The following DST variants were observed in gnomAD, a reference collection of about 807,000 sequenced individuals.
DST encodes dystonin, also known as bullous pemphigoid antigen.
Under a neutral mutation model 875.2 loss-of-function variants are expected in DST, and 253 were observed. That is an observed-to-expected ratio of 0.29 (90% CI 0.26 to 0.32). The LOEUF is 0.32. DST is among the 10% of genes least tolerant of loss of function. The pLI, the probability that DST is intolerant of heterozygous loss-of-function variation, is 1.00. For missense variants in DST, 8,287 were observed against 9,111.6 expected, an observed-to-expected ratio of 0.91 and a Z score of 3.68; for synonymous variants, 3,124 against 3,197.1, an observed-to-expected ratio of 0.98 and a Z score of 0.77.
intron 9 of DST, among the ~76,000 whole-genome samples, chr6:56,687,869 A>G (rs1372555442): frequency 6.6e-6 from 1 of 152,200 alleles, no homozygotes; most frequent in Non-Finnish European, 1.5e-5. Context: ...TTTAACTGGT[A>G]CAAACTGCCT....
chr6:56,562,282 C>T lies in DST; in HGVS notation c.14006-82G>A, dbSNP rs2097547568. 6.6e-6 allele frequency: 5 copies of T among 755,660 alleles called. No homozygotes were observed. The South Asian group carries it at 1.3e-4, about 19-fold the overall frequency. The allele number at this position is 755,660 out of a possible 1,614,324, so 46.8% of individuals were successfully genotyped here. ...CAGTAGATGGCATTAAATCAAACCC[C>T]ATCAACAGTAATCACACATAAAACA... is the stretch of plus-strand genomic sequence containing the variant. On this transcript the variant is annotated intron_variant, in intron 55 of 103. Transcript: ENST00000680361.
In DST at chr6:56,634,539, A is replaced by G; in HGVS notation, c.3417T>C (p.Thr1139=). Residue 1139 remains threonine (T), a synonymous_variant, in exon 26 of 104, where the codon ACT becomes ACC. Transcript: ENST00000680361. The part of the protein sequence containing the change: ...HRAKWKVISP[T]GNEAMVPSVC... The stretch of plus-strand genomic sequence containing the variant: ...CAGATGGGACCATAGCCTCATTCCC[A>G]GTAGGACTAATGACCTTCCATTTAG... 2 of 1,614,216 alleles carry G rather than the reference A, an allele frequency of 1.2e-6. No individual in the cohort carries two copies. The highest frequency in any genetic ancestry group is 8.5e-7 in the Non-Finnish European group (1 of 1,180,038).
chr6:56,836,009 T>G (rs903613094), intron 4 of DST, among the ~76,000 whole-genome samples: 11 of 152,210 alleles, frequency 7.2e-5, no homozygotes, highest in Non-Finnish European at 2.9e-5. Flanking sequence ...TGTTAAAATT[T>G]TATTGTCTTT....
rs1303733136 is a variant in DST at position 56,701,971 on chromosome 6, A to C, written c.877-6T>G. ...ATCCGACCTTTTTCTCTGGGCTAAG[A>C]ACAGAAAAATGCAGGTATGAAAAAG... On this transcript the variant is annotated splice_region_variant and splice_polypyrimidine_tract_variant and intron_variant, in intron 7 of 103. Coordinates refer to ENST00000680361, the MANE Select transcript of DST (RefSeq NM_001374736.1). 3.1e-6 allele frequency: 5 copies of C among 1,594,854 alleles called. No individual in the cohort carries two copies. Among genetic ancestry groups the C allele is most frequent in the Middle Eastern group, 1.7e-4 (1 of 6,052 alleles).
chr6:56,536,204 T>G (rs1200966328), intron 62 of DST, among the ~76,000 whole-genome samples: 1 of 152,234 alleles, frequency 6.6e-6, no homozygotes, highest in African/African-American at 2.4e-5. Flanking sequence ...TTATTTCTAG[T>G]GTTTTCTCTC....
chr6:56,667,267 G>A (rs1356274811), intron 10 of DST, among the ~76,000 whole-genome samples: 3 of 152,126 alleles, frequency 2.0e-5, no homozygotes, highest in Non-Finnish European at 2.9e-5. Context: ...TTTGCTCATG[G>A]TGATATTTTG....
chr6:56,692,611 C>A (rs375798355), intron 9 of DST: 1 of 1,289,686 alleles, frequency 7.8e-7, no homozygotes, highest in Non-Finnish European at 1.0e-6. Context: ...GGCTGCCTTT[C>A]GGAAAGAAAA....
At chr6:56,550,363 T>C (rs2097301877) in intron 61 of DST, among the ~76,000 whole-genome samples, 1 of 152,224 alleles carries the variant, frequency 6.6e-6, no homozygotes, top group African/African-American at 2.4e-5. Flanking sequence ...AAACACAGCA[T>C]GCTAAATGGT....
intron 35 of DST, 145 bp from the exon 36 acceptor site, chr6:56,624,773 T>C: frequency 1.5e-6 from 1 of 669,992 alleles, no homozygotes; most frequent in Non-Finnish European, 2.7e-6. Flanking sequence ...AGAATGAGCT[T>C]ATTATTACTA....
intron 13 of DST, among the ~76,000 whole-genome samples, 159 bp from the exon 14 acceptor site, chr6:56,646,341 G>C (rs1200644605): frequency 6.6e-6 from 1 of 152,146 alleles, no homozygotes; most frequent in Non-Finnish European, 1.5e-5. Flanking sequence ...TTTCCAGCCA[G>C]CTGGTGACGT....
intron 78 of DST, among the ~76,000 whole-genome samples, chr6:56,502,260 C>T (rs1377501917): frequency 6.6e-6 from 1 of 152,128 alleles, no homozygotes; most frequent in Non-Finnish European, 1.5e-5. Context: ...ATCATCTTGG[C>T]TTTGCCAACC....
At position 56,529,903 on chromosome 6, in the gene DST, A is replaced by C. The variant is rs147613884; in HGVS notation, c.17268+71T>G. The C allele has an allele frequency of 2.5e-4, 392 of 1,572,574 alleles. 1 individual carries two copies. The East Asian group carries it at 8.3e-3, about 33-fold the overall frequency. On this transcript the variant is annotated intron_variant, in intron 65 of 103. Transcript: ENST00000680361. ...TTGCAATTAAACAAAACAATAGTAC[A>C]TAACTCAAATTTATGTCACAAAACC...
chr6:56,772,995 G>A (rs754256133), intron 4 of DST, among the ~76,000 whole-genome samples: 14 of 152,086 alleles, frequency 9.2e-5, no homozygotes, highest in Non-Finnish European at 1.9e-4. Context: ...GTCATGTGGT[G>A]AGCATGCTGT....
At chr6:56,827,891 A>G (rs1364305810) in intron 4 of DST, among the ~76,000 whole-genome samples, 1 of 152,202 alleles carries the variant, frequency 6.6e-6, no homozygotes, top group Non-Finnish European at 1.5e-5. Context: ...AGCAGGAGAT[A>G]CATTCCCTTT....
At chr6:56,601,268 T>C (rs1309833463) in intron 44 of DST, among the ~76,000 whole-genome samples, 175 bp downstream of exon 44, 2 of 152,060 alleles carry the variant, frequency 1.3e-5, no homozygotes, top group South Asian at 2.1e-4. Flanking sequence ...AACTAAATTA[T>C]AGCATCATTA....
intron 9 of DST, among the ~76,000 whole-genome samples, chr6:56,681,079 T>C (rs1285732443): frequency 2.0e-5 from 3 of 152,326 alleles, no homozygotes; most frequent in African/African-American, 4.8e-5. Context: ...ACAAAGCTGA[T>C]ACTCTTAACC....
intron 69 of DST, among the ~76,000 whole-genome samples, chr6:56,524,009 A>G (rs1192639214): frequency 6.6e-6 from 1 of 152,160 alleles, no homozygotes. Context: ...TACGTGGCTA[A>G]TGTCCAGGTC....
intron 36 of DST, among the ~76,000 whole-genome samples, chr6:56,622,044 G>T (rs76997690): frequency 0.012 from 1,822 of 152,154 alleles, 13 homozygotes; most frequent in Non-Finnish European, 0.018. Flanking sequence ...TAGTATCAGG[G>T]TCAATCCTGT....
Position 56,535,146 on chromosome 6 carries a change from T to C in DST, c.16917A>G (p.Val5639=). ...QKPPSAEFKV[V]KAQIQEQKLL... Reference sequence around the variant, plus strand: ...CCTTTTGTTCTTGTATCTGGGCCTTTACCACTTTGAACTCAGCCGACGGGG... The same window carrying C: ...CCTTTTGTTCTTGTATCTGGGCCTTCACCACTTTGAACTCAGCCGACGGGG... Residue 5639 remains valine (V), a synonymous_variant, in exon 63 of 104, where the codon GTA becomes GTG. Coordinates refer to ENST00000680361, the MANE Select transcript of DST (RefSeq NM_001374736.1). 1 of 1,613,874 alleles carries C rather than the reference T, an allele frequency of 6.2e-7. No individual in the cohort carries two copies.
Sources: allele counts gnomAD v4.1 joint callset (sites outside exome capture counted in the v4.1 genomes callset), GRCh38; gene constraint gnomAD v4.1.1; transcripts MANE v1.5; gene names NCBI Gene and HGNC (gene_info 2026-07-23, HGNC 2026-07-21).